Variants in GRID1 observed in about 807,000 individuals in gnomAD.
GRID1 encodes glutamate receptor ionotropic, delta-1.
Under a neutral mutation model 98.0 loss-of-function variants are expected in GRID1, and 28 were observed. The observed-to-expected ratio is 0.29, with a 90% CI of 0.21 to 0.39. The LOEUF (loss-of-function observed/expected upper bound fraction) is 0.39, where lower values mean the gene tolerates loss of function less well. Among genes scored for constraint, GRID1 ranks in the 10% least tolerant of loss-of-function variants. The probability of loss-of-function intolerance (pLI) is 1.00; values close to 1 mark genes in which losing one functional copy is unlikely to be tolerated. For missense variants in GRID1, 1,111 were observed against 1,340.5 expected (o/e 0.83, Z 2.67); for synonymous variants, 553 against 538.5 (o/e 1.03, Z -0.37).
intron 2 of GRID1, among the ~76,000 whole-genome samples, chr10:86,337,475 G>A (rs975934143): frequency 2.4e-4 from 36 of 152,114 alleles, no homozygotes; most frequent in Admixed American, 1.8e-3. Flanking sequence ...GCCAGCACTC[G>A]GGGAGGCACT....
At chr10:85,840,257 G>C (rs1167643228) in intron 8 of GRID1, among the ~76,000 whole-genome samples, 1 of 152,126 alleles carries the variant, frequency 6.6e-6, no homozygotes, top group African/African-American at 2.4e-5. Context: ...CTCATTCTAT[G>C]AGGCCAGCAT....
chr10:85,648,494 C>T (rs1236730389), intron 12 of GRID1, among the ~76,000 whole-genome samples: 1 of 152,090 alleles, frequency 6.6e-6, no homozygotes. Context: ...TTTAACAACC[C>T]ACATCATCAT....
At chr10:86,350,180 A>G (rs1398745210) in intron 2 of GRID1, among the ~76,000 whole-genome samples, 3 of 152,146 alleles carry the variant, frequency 2.0e-5, no homozygotes, top group Admixed American at 6.5e-5. Flanking sequence ...AGGTCAAGAG[A>G]AGTGGCGGCT....
In GRID1 at chr10:86,206,358, A is replaced by G. The variant is rs756915452; in HGVS notation, c.520+6T>C. On this transcript the variant is annotated splice_donor_region_variant and intron_variant, in intron 3 of 15. Coordinates refer to ENST00000327946, the MANE Select transcript of GRID1 (RefSeq NM_017551.3). This position sits in a 1 kb window ranked among gnomAD's most constrained non-coding sequence, Gnocchi z 4.1. The stretch of plus-strand genomic sequence containing the variant: ...GCAGCCCCAGCTCGCCTGCCGGACA[A>G]CTCACCATACTCGCTGTCGTAGAAC... The G allele has an allele frequency of 1.6e-5, 26 of 1,587,014 alleles. No individual in the cohort carries two copies. The Admixed American group carries it at 4.4e-4, about 27-fold the overall frequency.
At position 85,986,028 on chromosome 10, in the gene GRID1, C is replaced by T. The variant is rs572970628; in HGVS notation, c.727-69789G>A. On this transcript the variant is annotated intron_variant, in intron 4 of 15. Transcript: ENST00000327946. ...TGGAGACAAAGCAAGAAGTTGGAGG[C>T]TAAATGCCTGGCACAATGTCTACTG... is the stretch of plus-strand genomic sequence containing the variant. Among the ~76,000 whole-genome samples the T allele has an allele frequency of 1.1e-4, 16 of 152,358 alleles. No homozygotes were observed. The East Asian group carries it at 2.3e-3, about 22-fold the overall frequency.
At chr10:85,958,904 C>T (rs1340568183) in intron 4 of GRID1, among the ~76,000 whole-genome samples, 1 of 149,956 alleles carries the variant, frequency 6.7e-6, no homozygotes, top group African/African-American at 2.5e-5. Flanking sequence ...TTGTGGTGAG[C>T]CAAGATCACA....
chr10:85,901,548 C>G (rs1287868547), intron 5 of GRID1, among the ~76,000 whole-genome samples: 8 of 152,190 alleles, frequency 5.3e-5, no homozygotes, highest in African/African-American at 1.9e-4. Flanking sequence ...TGCTGTCTGC[C>G]TGACACTGTG....
At chr10:85,856,721 C>T (rs1314358985) in intron 6 of GRID1, among the ~76,000 whole-genome samples, 6 of 152,208 alleles carry the variant, frequency 3.9e-5, no homozygotes, top group Non-Finnish European at 8.8e-5. Flanking sequence ...CAGCCATAGA[C>T]AATATATAAA....
chr10:85,907,816 C>CA (rs1841483582), intron 5 of GRID1, among the ~76,000 whole-genome samples: 1 of 151,884 alleles, frequency 6.6e-6, no homozygotes, highest in Non-Finnish European at 1.5e-5. Flanking sequence ...ACAATATATA[C>CA]AAAGGATAAT....
chr10:85,828,381 T>G (rs1443242451), intron 8 of GRID1, among the ~76,000 whole-genome samples: 2 of 148,874 alleles, frequency 1.3e-5, no homozygotes, highest in Non-Finnish European at 3.0e-5. Flanking sequence ...CCTAGAGAAA[T>G]GAGAAAAGAA....
At chr10:86,332,395 A>G (rs562435643) in intron 2 of GRID1, among the ~76,000 whole-genome samples, 7 of 152,212 alleles carry the variant, frequency 4.6e-5, no homozygotes, top group African/African-American at 1.7e-4. Context: ...CTCTCCCTGC[A>G]GCTCAGAACG....
At chr10:86,090,762 T>C (rs1844134714) in intron 4 of GRID1, among the ~76,000 whole-genome samples, 1 of 152,184 alleles carries the variant, frequency 6.6e-6, no homozygotes, top group Non-Finnish European at 1.5e-5. Flanking sequence ...ACAGACCCTC[T>C]GAAGGAAGCA....
intron 4 of GRID1, among the ~76,000 whole-genome samples, chr10:86,131,099 GCA>G (rs1359029950): frequency 1.3e-5 from 2 of 152,148 alleles, no homozygotes; most frequent in East Asian, 3.9e-4. Flanking sequence ...GGACTACATG[GCA>G]CAGATAGCTT....
At chr10:86,152,813 G>A (rs1011657089) in intron 3 of GRID1, among the ~76,000 whole-genome samples, 7 of 152,208 alleles carry the variant, frequency 4.6e-5, no homozygotes, top group Admixed American at 2.6e-4. Flanking sequence ...TCTCCAGTGC[G>A]GCTGCCACCC....
intron 2 of GRID1, among the ~76,000 whole-genome samples, chr10:86,221,488 C>G (rs762055331): frequency 6.6e-5 from 10 of 152,188 alleles, no homozygotes; most frequent in Admixed American, 2.0e-4. Flanking sequence ...GGAGAGGAAG[C>G]CTTTGTGGGC....
chr10:85,974,672 C>T (rs1195016564), intron 4 of GRID1, among the ~76,000 whole-genome samples: 1 of 152,214 alleles, frequency 6.6e-6, no homozygotes, highest in Non-Finnish European at 1.5e-5. Context: ...AATAGTGACC[C>T]TCTTGACTTT....
At chr10:86,293,715 G>A (rs1847548564) in intron 2 of GRID1, among the ~76,000 whole-genome samples, 1 of 152,118 alleles carries the variant, frequency 6.6e-6, no homozygotes, top group Non-Finnish European at 1.5e-5. Flanking sequence ...TCAAACGATA[G>A]GGAGGGGTGG....
intron 2 of GRID1, among the ~76,000 whole-genome samples, chr10:86,253,290 G>C (rs1459572469): frequency 6.6e-6 from 1 of 152,234 alleles, no homozygotes; most frequent in Non-Finnish European, 1.5e-5. Context: ...TGGGAGAACT[G>C]TTTTCCCCAC....
At chr10:85,618,764 T>C (rs1268893562) in intron 14 of GRID1, among the ~76,000 whole-genome samples, 1 of 152,128 alleles carries the variant, frequency 6.6e-6, no homozygotes, top group Non-Finnish European at 1.5e-5. Context: ...GTCGTGGTGC[T>C]TGGAGATCCA....
Sources: gnomAD v4.1 joint callset for allele counts (sites outside exome capture counted in the v4.1 genomes callset) on GRCh38, gnomAD v4.1.1 for gene constraint, Gnocchi (gnomAD v3.1) non-coding constraint, MANE v1.5 for transcripts, NCBI Gene and HGNC (gene_info 2026-07-23, HGNC 2026-07-21) for gene names.